Variants in PDS5B observed in about 807,000 individuals in gnomAD.
PDS5B encodes sister chromatid cohesion protein PDS5 homolog B.
PDS5B carries 51 observed loss-of-function variants against 184.1 expected under a neutral mutation model. That is an observed-to-expected ratio of 0.28 (90% CI 0.22 to 0.35). The LOEUF (loss-of-function observed/expected upper bound fraction) is 0.35, where lower values mean the gene tolerates loss of function less well. Ranked by LOEUF, PDS5B falls within the 10% of genes least tolerant of loss-of-function variation. PDS5B has a pLI of 1.00. For synonymous variants in PDS5B, 566 were observed against 569.2 expected, an observed-to-expected ratio of 0.99 and a Z score of 0.08; for missense variants, 1,180 against 1,723.3, an observed-to-expected ratio of 0.68 and a Z score of 5.58.
At chr13:32,699,422 A>G (rs1205959141) in intron 15 of PDS5B, among the ~76,000 whole-genome samples, 1 of 152,206 alleles carries the variant, frequency 6.6e-6, no homozygotes, top group Non-Finnish European at 1.5e-5. Context: ...GGGGACAGTA[A>G]TAAAATTGGC....
intron 18 of PDS5B, among the ~76,000 whole-genome samples, chr13:32,709,653 C>CA (rs1952139291): frequency 6.6e-6 from 1 of 151,796 alleles, no homozygotes; most frequent in South Asian, 2.1e-4. Context: ...CATTCCCCAC[C>CA]AAAAAACCTG....
At chr13:32,632,742 G>T (rs2058477591) in intron 1 of PDS5B, among the ~76,000 whole-genome samples, 1 of 152,230 alleles carries the variant, frequency 6.6e-6, no homozygotes, top group African/African-American at 2.4e-5. Flanking sequence ...TGGAAACCAA[G>T]TGTCCACTAG....
chr13:32,714,584 C>G (rs1457394425), intron 19 of PDS5B, among the ~76,000 whole-genome samples: 2 of 152,144 alleles, frequency 1.3e-5, no homozygotes, highest in African/African-American at 4.8e-5. Context: ...CCTATACCTC[C>G]AGGTGCGTAT....
At chr13:32,717,792 A>T (rs965203523) in intron 19 of PDS5B, among the ~76,000 whole-genome samples, 6 of 151,348 alleles carry the variant, frequency 4.0e-5, no homozygotes, top group African/African-American at 1.5e-4. Flanking sequence ...GAAACCAGGA[A>T]TTCTAATTCT....
At chr13:32,645,009 C>CTT (rs1297974027) in intron 1 of PDS5B, among the ~76,000 whole-genome samples, 1 of 151,998 alleles carries the variant, frequency 6.6e-6, no homozygotes, top group Non-Finnish European at 1.5e-5. Flanking sequence ...TTGTTCTTTT[C>CTT]TTTTTTCTTT....
At chr13:32,769,372 C>T (rs940653352) in intron 31 of PDS5B, among the ~76,000 whole-genome samples, 45 of 152,206 alleles carry the variant, frequency 3.0e-4, no homozygotes, top group Middle Eastern at 3.4e-3. Context: ...ATATAAATTG[C>T]GCAGACTTTT....
intron 1 of PDS5B, among the ~76,000 whole-genome samples, chr13:32,599,369 T>G (rs907331756): frequency 8.6e-5 from 13 of 151,990 alleles, no homozygotes; most frequent in African/African-American, 3.1e-4. Context: ...ATTCAAGCAA[T>G]TCTCCTGCCT....
At chr13:32,675,620 C>T (rs1213683307) in intron 8 of PDS5B, among the ~76,000 whole-genome samples, 1 of 152,154 alleles carries the variant, frequency 6.6e-6, no homozygotes, top group Non-Finnish European at 1.5e-5. Flanking sequence ...GATGTATTTT[C>T]ATGAAAGGTA....
chr13:32,680,503 A>C (rs1029582626), intron 10 of PDS5B, among the ~76,000 whole-genome samples: 9 of 152,234 alleles, frequency 5.9e-5, no homozygotes, highest in Non-Finnish European at 1.2e-4. Context: ...GGGTTTCTGC[A>C]TTCACATTTC....
intron 2 of PDS5B, among the ~76,000 whole-genome samples, chr13:32,650,947 A>G (rs1277039987): frequency 6.6e-6 from 1 of 152,200 alleles, no homozygotes; most frequent in Non-Finnish European, 1.5e-5. Context: ...TGGATGCTGG[A>G]TGGTCACCTT....
intron 30 of PDS5B, among the ~76,000 whole-genome samples, chr13:32,762,162 A>G (rs1954427741): frequency 6.6e-6 from 1 of 152,170 alleles, no homozygotes; most frequent in South Asian, 2.1e-4. Flanking sequence ...ATTCTTTGAG[A>G]AAAACAAAAG....
intron 17 of PDS5B, among the ~76,000 whole-genome samples, chr13:32,705,216 A>G (rs1307307444): frequency 6.6e-6 from 1 of 152,126 alleles, no homozygotes; most frequent in East Asian, 1.9e-4. Context: ...TGAGAGCTTC[A>G]TACTCTCAGT....
intron 19 of PDS5B, among the ~76,000 whole-genome samples, chr13:32,713,893 C>T (rs575647609): frequency 3.3e-5 from 5 of 152,192 alleles, no homozygotes; most frequent in East Asian, 3.9e-4. Context: ...CTAGTTATAT[C>T]GGGGAACCTG....
At chr13:32,677,511 C>T (rs1048791617) in intron 9 of PDS5B, among the ~76,000 whole-genome samples, 2 of 151,772 alleles carry the variant, frequency 1.3e-5, no homozygotes, top group African/African-American at 2.4e-5. Flanking sequence ...TTTTAAAAGA[C>T]GTCTTAGTAT....
chr13:32,659,318 G>C (rs371315639), intron 6 of PDS5B, 38 bp downstream of exon 6: 7 of 1,458,332 alleles, frequency 4.8e-6, no homozygotes, highest in Non-Finnish European at 6.5e-6. Flanking sequence ...TCTAATGCCC[G>C]TTAATATTAA....
At chr13:32,654,179 T>C (rs1437490619) in intron 3 of PDS5B, among the ~76,000 whole-genome samples, 1 of 152,184 alleles carries the variant, frequency 6.6e-6, no homozygotes, top group East Asian at 1.9e-4. Flanking sequence ...GAGGGTGCTT[T>C]CTAAATATTT....
At chr13:32,728,672 C>T (rs1952995035) in intron 19 of PDS5B, among the ~76,000 whole-genome samples, 1 of 152,160 alleles carries the variant, frequency 6.6e-6, no homozygotes, top group African/African-American at 2.4e-5. Context: ...CTATTTAATA[C>T]TTCCATGCGA....
At position 32,643,274 on chromosome 13, in the gene PDS5B, A is replaced by G. The variant is rs78768999; in HGVS notation, c.-19-5480A>G. On this transcript the variant is annotated intron_variant, in intron 1 of 34. Coordinates refer to ENST00000315596, the MANE Select transcript of PDS5B (RefSeq NM_015032.4). ...CTTCTTTGGTTGAAGGAATGTAACT[A>G]TGAACTTGGTTCTTGCTAGTGTTTT... 2.5e-3 allele frequency among the ~76,000 whole-genome samples: 382 copies of G among 152,228 alleles called. 3 individuals are homozygous for G. Among genetic ancestry groups the G allele is most frequent in the African/African-American group, 8.7e-3 (361 of 41,564 alleles).
intron 1 of PDS5B, among the ~76,000 whole-genome samples, chr13:32,636,485 A>C (rs371304032): frequency 1.3e-5 from 2 of 152,320 alleles, no homozygotes; most frequent in African/African-American, 4.8e-5. Context: ...AGGATTCAGC[A>C]GTGCACCAGA....
Sources: gnomAD v4.1 joint callset for allele counts (sites outside exome capture counted in the v4.1 genomes callset) on GRCh38, gnomAD v4.1.1 for gene constraint, MANE v1.5 for transcripts, NCBI Gene and HGNC (gene_info 2026-07-23, HGNC 2026-07-21) for gene names.